Variants in FOCAD observed in about 807,000 individuals in gnomAD.
The protein encoded by FOCAD is KIAA1797.
FOCAD carries 198 observed loss-of-function variants against 225.6 expected under a neutral mutation model. The observed-to-expected ratio is 0.88, with a 90% confidence interval of 0.78 to 0.99. FOCAD has a LOEUF of 0.99. FOCAD is among the 50% of genes least tolerant of loss of function. The probability of loss-of-function intolerance (pLI) is 0.00; values close to 1 mark genes in which losing one functional copy is unlikely to be tolerated. For missense variants in FOCAD, 2,713 were observed against 2,123.6 expected, an observed-to-expected ratio of 1.28 and a Z score of -5.46; for synonymous variants, 897 against 755.0, an observed-to-expected ratio of 1.19 and a Z score of -3.08.
intron 11 of FOCAD, among the ~76,000 whole-genome samples, chr9:20,797,201 G>C (rs1277382107): frequency 2.6e-5 from 4 of 152,182 alleles, no homozygotes; most frequent in Admixed American, 1.3e-4. Context: ...CCAGTACCAT[G>C]CTGTTTGGGT....
intron 15 of FOCAD, among the ~76,000 whole-genome samples, chr9:20,861,740 T>C (rs1828791027): frequency 6.6e-6 from 1 of 152,162 alleles, no homozygotes; most frequent in Admixed American, 6.5e-5. Flanking sequence ...AAAGAAGAGA[T>C]TGGAATATTT....
At chr9:20,832,537 A>G (rs1327326553) in intron 15 of FOCAD, among the ~76,000 whole-genome samples, 1 of 152,036 alleles carries the variant, frequency 6.6e-6, no homozygotes, top group Non-Finnish European at 1.5e-5. Context: ...TTATCCTTTG[A>G]GTTACAAACA....
Position 20,866,888 on chromosome 9 carries a change from CTTTT to C in FOCAD, c.2107-15_2107-12del, listed in dbSNP as rs10629839. The C allele has an allele frequency of 3.9e-3, 1,330 of 340,480 alleles. 1 individual carries two copies. The highest frequency in any genetic ancestry group is 0.013 in the African/African-American group (176 of 13,922). The allele number at this position is 340,480 out of a possible 1,614,324, so 21.1% of individuals were successfully genotyped here. A position where few individuals can be genotyped will look rare whatever the true frequency, so the allele number is the denominator to read the frequency against. On this transcript the variant is annotated intron_variant, in intron 17 of 43. Transcript: ENST00000338382. Reference sequence around the variant, plus strand: ...CATGTTGTGTTTTTTTGTTTGCTTGCTTTTTTTTTTTTTTTTTTTTTTTTTTTTT... The same window carrying C: ...CATGTTGTGTTTTTTTGTTTGCTTGCTTTTTTTTTTTTTTTTTTTTTTTTT...
At chr9:20,855,657 A>C (rs575860753) in intron 15 of FOCAD, among the ~76,000 whole-genome samples, 14 of 151,742 alleles carry the variant, frequency 9.2e-5, no homozygotes, top group South Asian at 6.2e-4. Flanking sequence ...ATTATTGTTA[A>C]CTGTTGTCAC....
intron 28 of FOCAD, among the ~76,000 whole-genome samples, chr9:20,938,595 G>T (rs1041559777): frequency 6.6e-6 from 1 of 151,898 alleles, no homozygotes; most frequent in Non-Finnish European, 1.5e-5. Flanking sequence ...GGGGGGAGTG[G>T]GGAGGGATAG....
At chr9:20,761,868 T>TTA (rs150022148) in intron 6 of FOCAD, among the ~76,000 whole-genome samples, 7,324 of 152,286 alleles carry the variant, frequency 0.048, 232 homozygotes, top group Middle Eastern at 0.085. Context: ...GGATTTCAGA[T>TTA]TATCTGTTTT....
chr9:20,763,780 G>C (rs530556023), intron 6 of FOCAD, among the ~76,000 whole-genome samples: 1 of 152,182 alleles, frequency 6.6e-6, no homozygotes, highest in African/African-American at 2.4e-5. Context: ...GATGGAGGGT[G>C]TGTGTGAATT....
At chr9:20,800,920 C>T (rs183749299) in intron 11 of FOCAD, among the ~76,000 whole-genome samples, 494 of 152,202 alleles carry the variant, frequency 3.2e-3, no homozygotes, top group African/African-American at 0.011. Flanking sequence ...GGAGGAGAGG[C>T]GCTCTGATTT....
At chr9:20,852,124 A>T (rs1827720259) in intron 15 of FOCAD, among the ~76,000 whole-genome samples, 1 of 151,776 alleles carries the variant, frequency 6.6e-6, no homozygotes, top group Non-Finnish European at 1.5e-5. Context: ...TTTGGGTGGA[A>T]AAATCTTGTT....
intron 28 of FOCAD, among the ~76,000 whole-genome samples, chr9:20,940,277 T>G (rs1238500717): frequency 6.8e-6 from 1 of 147,654 alleles, no homozygotes; most frequent in African/African-American, 2.5e-5. Flanking sequence ...CCTTGTGCAG[T>G]TCTCCCTTTT....
chr9:20,890,896 A>G (rs887288359), intron 21 of FOCAD, among the ~76,000 whole-genome samples: 1 of 152,004 alleles, frequency 6.6e-6, no homozygotes, highest in Non-Finnish European at 1.5e-5. Flanking sequence ...GTATCTACCT[A>G]CAGACACACC....
chr9:20,841,560 G>T (rs1227754877), intron 15 of FOCAD, among the ~76,000 whole-genome samples: 1 of 151,634 alleles, frequency 6.6e-6, no homozygotes. Context: ...TTGCTCATTG[G>T]TAGCCTCTAC....
intron 19 of FOCAD, among the ~76,000 whole-genome samples, 159 bp from the exon 20 acceptor site, chr9:20,881,712 G>A (rs1378757949): frequency 6.6e-6 from 1 of 152,058 alleles, no homozygotes; most frequent in Non-Finnish European, 1.5e-5. Context: ...TAATTTGGAG[G>A]AAGACTAAGA....
At chr9:20,844,521 T>C (rs964772669) in intron 15 of FOCAD, among the ~76,000 whole-genome samples, 2 of 151,394 alleles carry the variant, frequency 1.3e-5, no homozygotes, top group African/African-American at 4.9e-5. Flanking sequence ...CCACCACACA[T>C]GGCTAATTTT....
At chr9:20,895,158 A>G (rs370123924) in intron 21 of FOCAD, among the ~76,000 whole-genome samples, 1 of 151,882 alleles carries the variant, frequency 6.6e-6, no homozygotes, top group South Asian at 2.1e-4. Flanking sequence ...TGGACTTTCT[A>G]TTCTGTTTCT....
intron 11 of FOCAD, among the ~76,000 whole-genome samples, chr9:20,800,207 T>C (rs367783167): frequency 6.6e-6 from 1 of 152,180 alleles, no homozygotes; most frequent in Non-Finnish European, 1.5e-5. Flanking sequence ...GAGTTTCTGC[T>C]GAGAGATCAG....
At chr9:20,684,971 T>G (rs1229502964) in intron 1 of FOCAD, among the ~76,000 whole-genome samples, 1 of 152,154 alleles carries the variant, frequency 6.6e-6, no homozygotes, top group Non-Finnish European at 1.5e-5. Flanking sequence ...CCTTCATGAG[T>G]TTTAGTTTCA....
At chr9:20,928,422 G>T (rs1835161241) in intron 26 of FOCAD, among the ~76,000 whole-genome samples, 1 of 152,172 alleles carries the variant, frequency 6.6e-6, no homozygotes, top group Admixed American at 6.5e-5. Context: ...AATGGGCCTA[G>T]AATTAAAAAC....
intron 41 of FOCAD, 74 bp downstream of exon 41, chr9:20,988,503 C>CA (rs1289504252): frequency 1.8e-5 from 8 of 439,064 alleles, no homozygotes; most frequent in African/African-American, 6.7e-5. Context: ...AAAGTAATTG[C>CA]GGTTTTGCCA....
Sources: allele counts gnomAD v4.1 joint callset (sites outside exome capture counted in the v4.1 genomes callset), GRCh38; gene constraint gnomAD v4.1.1; transcripts MANE v1.5; gene names NCBI Gene and HGNC (gene_info 2026-07-23, HGNC 2026-07-21).